KRT7: variants seen among roughly 807,000 people sequenced by gnomAD.
KRT7 encodes the protein keratin 7, also known as keratin, type II cytoskeletal 7.
In KRT7, 50 loss-of-function variants were observed where a neutral mutation model predicts 42.8. That is an observed-to-expected ratio of 1.17 (90% CI 0.93 to 1.48). The LOEUF is 1.48. Ranked by LOEUF, KRT7 falls within the 40% of genes most tolerant of loss-of-function variation. The pLI, the probability that KRT7 is intolerant of heterozygous loss-of-function variation, is 0.00. For synonymous variants in KRT7, 268 were observed against 266.3 expected, an observed-to-expected ratio of 1.01 and a Z score of -0.06; for missense variants, 588 against 637.6, an observed-to-expected ratio of 0.92 and a Z score of 0.84.
At position 52,238,898 on chromosome 12, in the gene KRT7, C is replaced by T. The variant is rs868309946; in HGVS notation, c.693+123C>T. On this transcript the variant is annotated intron_variant, in intron 4 of 8. Transcript: ENST00000331817. ...TGTCAGTGTGAGAAACAAACTCATC[C>T]GTCCAAACCCAAAGAATGGACTCAG... The T allele has an allele frequency of 3.8e-5, 25 of 650,074 alleles. 1 individual carries two copies. The Middle Eastern group carries it at 4.0e-3, about 105-fold the overall frequency. 40.3% of individuals were successfully genotyped at this position (650,074 alleles called of 1,614,324 possible). A position where few individuals can be genotyped will look rare whatever the true frequency, so the allele number is the denominator to read the frequency against.
downstream of KRT7, among the ~76,000 whole-genome samples, chr12:52,249,757 G>T (rs944762210): frequency 6.6e-6 from 1 of 152,158 alleles, no homozygotes; most frequent in Admixed American, 6.5e-5. Context: ...GACCCCAGGG[G>T]TGATGGTGGT....
At chr12:52,245,700 C>T in intron 7 of KRT7, 68 bp downstream of exon 7, 3 of 1,589,514 alleles carry the variant, frequency 1.9e-6, no homozygotes, top group Non-Finnish European at 2.6e-6. Flanking sequence ...TGACATTCAT[C>T]CATTTACAAG....
At chr12:52,248,134 C>A in intron 7 of KRT7, 43 bp from the exon 8 acceptor site, 1 of 1,598,786 alleles carries the variant, frequency 6.3e-7, no homozygotes. Context: ...TTCCCTCCCA[C>A]GCTAGGAAAG....
At chr12:52,245,348 C>T (rs1942152312) in intron 6 of KRT7, 64 bp from the exon 7 acceptor site, 28 of 1,555,420 alleles carry the variant, frequency 1.8e-5, no homozygotes, top group Non-Finnish European at 2.5e-5. Flanking sequence ...GTGCTCACTG[C>T]AGGATGGGCA....
chr12:52,252,490 C>A, downstream of KRT7: 1 of 1,599,450 alleles, frequency 6.3e-7, no homozygotes, highest in Non-Finnish European at 8.6e-7. Flanking sequence ...TTCTGGGAGG[C>A]AAGGGAGGGT....
chr12:52,236,309 C>G (rs1468959113), intron 2 of KRT7, among the ~76,000 whole-genome samples: 1 of 151,988 alleles, frequency 6.6e-6, no homozygotes, highest in Non-Finnish European at 1.5e-5. Flanking sequence ...TCATTCAGCC[C>G]CTGTTGTCAG....
At chr12:52,253,099 T>G, downstream of KRT7, 2 of 970,300 alleles carry the variant, frequency 2.1e-6, 1 homozygote, top group South Asian at 2.7e-5. Flanking sequence ...TCTGTCCTCA[T>G]GCTGGGTGTT....
chr12:52,249,284 A>T (rs1942228317), downstream of KRT7: 1 of 152,292 alleles, frequency 6.6e-6, no homozygotes, highest in Non-Finnish European at 1.5e-5. Context: ...ACAGACGTTC[A>T]GCTGCCCCAG....
chr12:52,233,748 G>T, intron 1 of KRT7, 128 bp downstream of exon 1: 2 of 933,688 alleles, frequency 2.1e-6, no homozygotes, highest in Non-Finnish European at 1.7e-6. Flanking sequence ...TTCCGCCAGT[G>T]TTGGGGACAC....
At chr12:52,242,487 T>C (rs1357600795) in intron 5 of KRT7, among the ~76,000 whole-genome samples, 2 of 152,032 alleles carry the variant, frequency 1.3e-5, no homozygotes, top group Non-Finnish European at 2.9e-5. Flanking sequence ...GGTGAACCAG[T>C]GTTCCTGAAG....
chr12:52,251,959 C>G (rs1469454063), downstream of KRT7: 1 of 578,578 alleles, frequency 1.7e-6, no homozygotes, highest in Non-Finnish European at 3.3e-6. Flanking sequence ...ATCTGAAGCT[C>G]TAAGAAAAAG....
rs937365245 is a variant in KRT7, at chr12:52,244,461, G to A, written c.985-951G>A. The stretch of plus-strand genomic sequence containing the variant: ...GGTCTCCAGAGGCAGCGGGGATGGC[G>A]TTGGCTCTGGGGGCACCAGTGTGAC... On this transcript the variant is annotated intron_variant, in intron 6 of 8. Coordinates refer to ENST00000331817, the MANE Select transcript of KRT7 (RefSeq NM_005556.4). 40 of 985,720 alleles carry A rather than the reference G, an allele frequency of 4.1e-5. No homozygotes were observed. In the African/African-American group the frequency reaches 5.2e-4, roughly 13 times the overall value. 61.1% of individuals were successfully genotyped at this position (985,720 alleles called of 1,614,324 possible).
chr12:52,250,374 C>T, downstream of KRT7: 2 of 367,010 alleles, frequency 5.4e-6, no homozygotes, highest in South Asian at 5.1e-5. Context: ...CGAAGCCCTC[C>T]TTCCCCACGT....
chr12:52,234,137 G>GCCCCCCCCC (rs1159134508), intron 1 of KRT7, among the ~76,000 whole-genome samples: 1 of 134,578 alleles, frequency 7.4e-6, no homozygotes, highest in African/African-American at 2.7e-5. Context: ...AGGGGGGGGG[G>GCCCCCCCCC]CTCCCGCCCC....
At chr12:52,235,408 C>T (rs1425061272) in intron 2 of KRT7, 42 bp downstream of exon 2, 5 of 1,521,694 alleles carry the variant, frequency 3.3e-6, no homozygotes, top group Non-Finnish European at 4.4e-6. Flanking sequence ...CTGCCCCGGG[C>T]CAATGTGACC....
At chr12:52,245,782 C>T (rs968850064) in intron 7 of KRT7, 150 bp downstream of exon 7, 6 of 993,128 alleles carry the variant, frequency 6.0e-6, no homozygotes, top group African/African-American at 4.9e-5. Flanking sequence ...TGATGCTTGC[C>T]TCTTTGCCTT....
At chr12:52,234,121 C>CGGGGGGGGGGGG (rs1299477013) in intron 1 of KRT7, among the ~76,000 whole-genome samples, 3 of 2,986 alleles carry the variant, frequency 1.0e-3, no homozygotes, top group African/African-American at 2.3e-3. Flanking sequence ...GTCGGTGGGG[C>CGGGGGGGGGGGG]GGGGGAGGGG....
chr12:52,241,276 A>G (rs768061170), intron 4 of KRT7, among the ~76,000 whole-genome samples, 196 bp from the exon 5 acceptor site: 2 of 152,130 alleles, frequency 1.3e-5, no homozygotes, highest in Non-Finnish European at 2.9e-5. Context: ...GACACTGCTA[A>G]TGGGCCCTCA....
intron 7 of KRT7, among the ~76,000 whole-genome samples, chr12:52,246,943 G>A (rs1458320995): frequency 6.6e-6 from 1 of 152,088 alleles, no homozygotes; most frequent in Non-Finnish European, 1.5e-5. Context: ...GTGTGCCCAA[G>A]GTCACACAGC....
Sources: allele counts gnomAD v4.1 joint callset (sites outside exome capture counted in the v4.1 genomes callset), GRCh38; gene constraint gnomAD v4.1.1; transcripts MANE v1.5; gene names NCBI Gene and HGNC (gene_info 2026-07-23, HGNC 2026-07-21).